Variants in OR51B5 observed in about 807,000 individuals in gnomAD.
OR51B5 encodes the protein olfactory receptor 51B5.
For missense variants in OR51B5, 456 were observed against 374.6 expected, an observed-to-expected ratio of 1.22 and a Z score of -1.79; for synonymous variants, 186 against 144.8, an observed-to-expected ratio of 1.28 and a Z score of -2.04.
In OR51B5 at chr11:5,401,367, G is replaced by A. The variant is rs753320773; in HGVS notation, n.85-54457C>T. ...AAAGTCTGCACACACATCCACGAACGTAGGTTCCTTCTCCTTCCTGAATCT... is the reference window on the plus strand; with the variant it reads ...AAAGTCTGCACACACATCCACGAACATAGGTTCCTTCTCCTTCCTGAATCT... On this transcript the variant is annotated intron_variant and non_coding_transcript_variant, in intron 1 of 4. Coordinates refer to the OR51B5 transcript ENST00000415970. Among the ~76,000 whole-genome samples, 4 of 152,300 alleles carry A rather than the reference G, an allele frequency of 2.6e-5. No homozygotes were observed. The East Asian group carries it at 5.8e-4, about 22-fold the overall frequency.
At chr11:5,379,305 C>A (rs1436552489) in intron 1 of OR51B5, among the ~76,000 whole-genome samples, 1 of 151,842 alleles carries the variant, frequency 6.6e-6, no homozygotes. Context: ...ACTCTGGGGA[C>A]TGTTGTGGGG....
intron 1 of OR51B5, chr11:5,389,642 G>A: frequency 1.2e-6 from 2 of 1,613,556 alleles, no homozygotes; most frequent in East Asian, 4.5e-5. Flanking sequence ...GGCCCTCACT[G>A]ACCTGGGGCT....
intron 1 of OR51B5, among the ~76,000 whole-genome samples, chr11:5,435,853 T>A (rs1452206171): frequency 6.6e-6 from 1 of 152,210 alleles, no homozygotes; most frequent in African/African-American, 2.4e-5. Context: ...TCTGTAACTT[T>A]GTAATACTTT....
chr11:5,343,417 G>GATGGAT (rs1421384498), exon 1 of OR51B5: 1 of 1,613,452 alleles, frequency 6.2e-7, no homozygotes, highest in Non-Finnish European at 8.5e-7. Context: ...TGCCAAAAAG[G>GATGGAT]ATGGATATAT....
intron 1 of OR51B5, chr11:5,352,303 G>C: frequency 6.2e-7 from 1 of 1,614,164 alleles, no homozygotes; most frequent in Non-Finnish European, 8.5e-7. Context: ...TGGAAAGCAT[G>C]TTCCTCATGT....
intron 1 of OR51B5, chr11:5,422,255 A>T (rs1589987864): frequency 1.2e-6 from 2 of 1,613,950 alleles, no homozygotes; most frequent in Non-Finnish European, 1.7e-6. Flanking sequence ...CCTCACGGAC[A>T]TCCCTGGATT....
intron 1 of OR51B5, among the ~76,000 whole-genome samples, chr11:5,480,338 T>A (rs1851398312): frequency 6.6e-6 from 1 of 151,432 alleles, no homozygotes; most frequent in South Asian, 2.1e-4. Flanking sequence ...TACCAGAATC[T>A]CTGGGACGCA....
chr11:5,465,826 T>C (rs376200850), intron 1 of OR51B5, among the ~76,000 whole-genome samples: 155 of 149,930 alleles, frequency 1.0e-3, no homozygotes, highest in African/African-American at 3.7e-3. Flanking sequence ...ATTAAAGACT[T>C]AAACGTTAGA....
At chr11:5,351,460 A>ATTG in intron 1 of OR51B5, 2 of 1,447,616 alleles carry the variant, frequency 1.4e-6, no homozygotes, top group South Asian at 2.6e-5. Context: ...ACAACTGATT[A>ATTG]CTATTGCTTT....
intron 1 of OR51B5, among the ~76,000 whole-genome samples, chr11:5,500,782 T>C (rs1053866125): frequency 6.1e-5 from 9 of 148,260 alleles, no homozygotes; most frequent in African/African-American, 2.2e-4. Context: ...ACGACCTTCA[T>C]ATACTTCTCC....
At chr11:5,390,134 C>T (rs748310893) in intron 1 of OR51B5, 1 of 1,613,794 alleles carries the variant, frequency 6.2e-7, no homozygotes, top group Admixed American at 1.7e-5. Context: ...CCAAGAGGAG[C>T]AGCGCCGTGC....
rs193266245 is a variant in OR51B5 at position 5,431,425 on chromosome 11, G to C, written n.84+74144C>G. On this transcript the variant is annotated intron_variant and non_coding_transcript_variant, in intron 1 of 4. Transcript: ENST00000415970. The stretch of plus-strand genomic sequence containing the variant: ...AACATGGAGAGAAATAAGTACATGG[G>C]CTCATGTAGGGCAGAGTCTTCCTGC... The C allele has an allele frequency of 1.4e-5, 3 of 222,202 alleles. 1 individual carries two copies. The Admixed American group carries it at 1.5e-4, about 11-fold the overall frequency. The allele number at this position is 222,202 out of a possible 1,614,324, so 13.8% of individuals were successfully genotyped here.
intron 1 of OR51B5, chr11:5,422,426 A>G: frequency 6.2e-7 from 1 of 1,614,044 alleles, no homozygotes. Context: ...CCTGGGTCTC[A>G]CCCTCACCAC....
At chr11:5,370,463 C>T (rs958620724) in intron 1 of OR51B5, among the ~76,000 whole-genome samples, 2 of 152,158 alleles carry the variant, frequency 1.3e-5, no homozygotes, top group South Asian at 2.1e-4. Flanking sequence ...ATGTCTCTGT[C>T]CAATTTGAGG....
chr11:5,367,757 T>A (rs1228814239), intron 1 of OR51B5, among the ~76,000 whole-genome samples: 1 of 152,242 alleles, frequency 6.6e-6, no homozygotes, highest in Non-Finnish European at 1.5e-5. Flanking sequence ...GTTGCTCTGG[T>A]TCAAATGCCT....
In OR51B5 at chr11:5,390,390, T is replaced by C. The variant is rs775322792; in HGVS notation, n.85-43480A>G. ...AAGGCCAGTAAATGAGTCCTGGGGC[T>C]AAAACTCCCCCTAGAGGCCTATAAG... On this transcript the variant is annotated intron_variant and non_coding_transcript_variant, in intron 1 of 4. Coordinates refer to the OR51B5 transcript ENST00000415970. 1.9e-6 allele frequency: 3 copies of C among 1,572,380 alleles called. No individual in the cohort carries two copies. In the African/African-American group the frequency reaches 4.0e-5, roughly 21 times the overall value.
At chr11:5,351,617 T>A in intron 1 of OR51B5, 2 of 1,614,164 alleles carry the variant, frequency 1.2e-6, no homozygotes, top group Non-Finnish European at 1.7e-6. Flanking sequence ...ATCTCCATAC[T>A]TCTTGGCAAT....
intron 1 of OR51B5, among the ~76,000 whole-genome samples, chr11:5,490,960 G>T (rs1421692199): frequency 6.6e-6 from 1 of 152,208 alleles, no homozygotes; most frequent in African/African-American, 2.4e-5. Context: ...GGCTTAATCT[G>T]CAGTGTTCAT....
chr11:5,472,259 T>C (rs1210213829), intron 1 of OR51B5, among the ~76,000 whole-genome samples: 1 of 151,828 alleles, frequency 6.6e-6, no homozygotes, highest in Non-Finnish European at 1.5e-5. Flanking sequence ...AAAATAAAAA[T>C]TACCTTAAAT....
Sources: allele counts gnomAD v4.1 joint callset (sites outside exome capture counted in the v4.1 genomes callset), GRCh38; gene constraint gnomAD v4.1.1; transcripts MANE v1.5; gene names NCBI Gene and HGNC (gene_info 2026-07-23, HGNC 2026-07-21).